The following GANC variants were observed in gnomAD, a reference collection of about 807,000 sequenced individuals.
The protein encoded by GANC is neutral alpha-glucosidase C.
Under a neutral mutation model 124.2 loss-of-function variants are expected in GANC, and 117 were observed. That is an observed-to-expected ratio of 0.94 (90% confidence interval 0.81 to 1.10). GANC has a LOEUF of 1.10. Ranked by LOEUF, GANC falls within the 50% of genes least tolerant of loss-of-function variation. The pLI, the probability that GANC is intolerant of heterozygous loss-of-function variation, is 0.00. For synonymous variants in GANC, 377 were observed against 376.8 expected (o/e 1.00, Z -0.01); for missense variants, 1,140 against 1,095.0 (o/e 1.04, Z -0.58).
chr15:42,339,581 C>T, intron 16 of GANC, 88 bp from the exon 17 acceptor site: 1 of 1,498,446 alleles, frequency 6.7e-7, no homozygotes, highest in Non-Finnish European at 9.0e-7. Flanking sequence ...CTGCACTTTT[C>T]TCCTGTCGGT....
At chr15:42,316,789 C>T (rs1002969845) in intron 10 of GANC, among the ~76,000 whole-genome samples, 2 of 152,174 alleles carry the variant, frequency 1.3e-5, no homozygotes, top group African/African-American at 4.8e-5. Context: ...ATTAACGGGG[C>T]CTTCCCAGGT....
In GANC at chr15:42,340,914, C is replaced by T. The variant is rs1428567164; in HGVS notation, c.2152+160C>T. 2.6e-5 allele frequency among the ~76,000 whole-genome samples: 4 copies of T among 151,524 alleles called. No homozygotes were observed. The South Asian group carries it at 6.2e-4, about 24-fold the overall frequency. On this transcript the variant is annotated intron_variant, in intron 18 of 23. Transcript: ENST00000318010. ...CTGAGCAGCTGGGATTACAGGTGCCCGCCACCATGCCCGGCTAATTTTTGT... is the reference window on the plus strand; with the variant it reads ...CTGAGCAGCTGGGATTACAGGTGCCTGCCACCATGCCCGGCTAATTTTTGT...
At chr15:42,314,282 A>T in intron 10 of GANC, 1 of 634,258 alleles carries the variant, frequency 1.6e-6, no homozygotes, top group East Asian at 2.7e-5. Flanking sequence ...GAAAGGGGGC[A>T]TTTTCTCAGC....
chr15:42,307,460 A>G (rs1595772111), intron 7 of GANC, among the ~76,000 whole-genome samples: 2 of 151,910 alleles, frequency 1.3e-5, no homozygotes, highest in African/African-American at 4.8e-5. Flanking sequence ...CGGCCTCCCA[A>G]AGTGCTGGGA....
intron 8 of GANC, among the ~76,000 whole-genome samples, chr15:42,309,469 G>A (rs938971881): frequency 2.6e-5 from 4 of 151,840 alleles, no homozygotes; most frequent in South Asian, 2.1e-4. Flanking sequence ...ACAGGTATGC[G>A]CCACTACGCC....
chr15:42,287,056 C>G (rs1286564570), intron 3 of GANC, among the ~76,000 whole-genome samples: 3 of 152,224 alleles, frequency 2.0e-5, no homozygotes, highest in Non-Finnish European at 4.4e-5. Flanking sequence ...CTTCATGATT[C>G]TACATTGTTT....
At chr15:42,277,319 T>C (rs4268723) in intron 2 of GANC, among the ~76,000 whole-genome samples, 140,508 of 152,024 alleles carry the variant, frequency 0.92, 65,885 homozygotes, top group Non-Finnish European at 1. Context: ...TCACCTGAGG[T>C]TGGGAGTTTG....
At chr15:42,301,363 C>T (rs2051944403) in intron 6 of GANC, among the ~76,000 whole-genome samples, 1 of 152,168 alleles carries the variant, frequency 6.6e-6, no homozygotes, top group Admixed American at 6.5e-5. Flanking sequence ...TCTTGGTAAC[C>T]CACAGACCAG....
At chr15:42,302,267 C>G (rs560492405) in intron 6 of GANC, among the ~76,000 whole-genome samples, 12 of 152,298 alleles carry the variant, frequency 7.9e-5, no homozygotes, top group Non-Finnish European at 7.4e-5. Flanking sequence ...AGGGGCCTGA[C>G]TGTTAGAACG....
chr15:42,351,250 A>G, intron 22 of GANC, 79 bp from the exon 23 acceptor site: 3 of 938,326 alleles, frequency 3.2e-6, no homozygotes, highest in Non-Finnish European at 3.5e-6. Flanking sequence ...AGAGGAACTC[A>G]CAAGGCTGGA....
chr15:42,288,542 AT>A (rs1566950283), intron 4 of GANC, among the ~76,000 whole-genome samples: 2 of 152,132 alleles, frequency 1.3e-5, no homozygotes, highest in Non-Finnish European at 2.9e-5. Context: ...TATGTAGATT[AT>A]TTTTTCCATG....
At chr15:42,322,669 A>G (rs1376995362) in intron 11 of GANC, among the ~76,000 whole-genome samples, 2 of 152,168 alleles carry the variant, frequency 1.3e-5, no homozygotes, top group Non-Finnish European at 2.9e-5. Flanking sequence ...ATATGGTATC[A>G]AATTCTTTAT....
chr15:42,298,497 C>A (rs1285267858), intron 6 of GANC, among the ~76,000 whole-genome samples: 1 of 152,186 alleles, frequency 6.6e-6, no homozygotes, highest in Non-Finnish European at 1.5e-5. Flanking sequence ...GTTAACCTTT[C>A]TGAGTTTCTC....
Position 42,330,570 on chromosome 15 carries a change from A to G in GANC, c.1645-6A>G. ...TCTTTGAAATTTTTCTTGTTTGGTGATATAGCAAATGGCTACTGCAGAAGG... is the reference window on the plus strand; with the variant it reads ...TCTTTGAAATTTTTCTTGTTTGGTGGTATAGCAAATGGCTACTGCAGAAGG... On this transcript the variant is annotated splice_polypyrimidine_tract_variant and splice_region_variant and intron_variant, in intron 14 of 23. Transcript: ENST00000318010. 2 of 1,608,446 alleles carry G rather than the reference A, an allele frequency of 1.2e-6. No individual in the cohort carries two copies. The highest frequency in any genetic ancestry group is 1.7e-6 in the Non-Finnish European group (2 of 1,175,432).
At chr15:42,290,556 C>T (rs1473139928) in intron 4 of GANC, among the ~76,000 whole-genome samples, 1 of 152,066 alleles carries the variant, frequency 6.6e-6, no homozygotes, top group Non-Finnish European at 1.5e-5. Flanking sequence ...ACCTGTAATC[C>T]CAATACTTTG....
At chr15:42,316,262 A>G (rs1432663911) in intron 10 of GANC, among the ~76,000 whole-genome samples, 1 of 152,172 alleles carries the variant, frequency 6.6e-6, no homozygotes, top group Non-Finnish European at 1.5e-5. Flanking sequence ...AGAAATAAAG[A>G]CACAAGACAA....
At chr15:42,342,997 A>C in intron 18 of GANC, 81 bp from the exon 19 acceptor site, 6 of 1,125,082 alleles carry the variant, frequency 5.3e-6, no homozygotes, top group Middle Eastern at 2.0e-4. Context: ...ACACCATGAT[A>C]GCTAGCACTC....
Position 42,273,251 on chromosome 15 carries a change from T to G in GANC, c.-1231T>G. 6.2e-7 allele frequency: 1 copy of G among 1,614,052 alleles called. No individual in the cohort carries two copies. The highest frequency in any genetic ancestry group is 8.5e-7 in the Non-Finnish European group (1 of 1,180,014). On this transcript the variant is annotated 5_prime_UTR_variant, in exon 1 of 24. Transcript: ENST00000318010. ...GTTCAGACGTTAGTGAAGTGAATAC[T>G]CACCGACGGTATCGGAATGTGCCAT...
chr15:42,296,467 A>G lies in GANC; in HGVS notation c.513-1144A>G, dbSNP rs115536608. 8.8e-3 allele frequency among the ~76,000 whole-genome samples: 1,339 copies of G among 152,068 alleles called. 18 individuals carry two copies. The highest frequency in any genetic ancestry group is 0.031 in the African/African-American group (1,273 of 41,468). ...AGTGGTGCGATCTCAGCTCACTGCA[A>G]CCTCCGCCTCCCAATTGCAGGTTCA... On this transcript the variant is annotated intron_variant, in intron 5 of 23. Transcript: ENST00000318010.
Sources: gnomAD v4.1 joint callset for allele counts (sites outside exome capture counted in the v4.1 genomes callset) on GRCh38, gnomAD v4.1.1 for gene constraint, MANE v1.5 for transcripts, NCBI Gene and HGNC (gene_info 2026-07-23, HGNC 2026-07-21) for gene names.